VPS41: variants seen among roughly 807,000 people sequenced by gnomAD.
The protein encoded by VPS41 is vacuolar protein sorting-associated protein 41 homolog.
VPS41 carries 85 observed loss-of-function variants against 130.9 expected under a neutral mutation model. The ratio of observed to expected loss-of-function variants is 0.65; its 90% confidence interval spans 0.55 to 0.78. VPS41 has a LOEUF of 0.78. Ranked by LOEUF, VPS41 falls within the 30% of genes least tolerant of loss-of-function variation. VPS41 has a pLI of 0.00. For synonymous variants in VPS41, 335 were observed against 332.9 expected (o/e 1.01, Z -0.07); for missense variants, 874 against 1,018.7 (o/e 0.86, Z 1.93).
chr7:38,889,808 T>C (rs1033113229), intron 2 of VPS41, among the ~76,000 whole-genome samples: 2 of 152,148 alleles, frequency 1.3e-5, no homozygotes, highest in Non-Finnish European at 2.9e-5. Context: ...TAGATTATTC[T>C]TTTCATGAGT....
chr7:38,861,305 A>G (rs1260364539), intron 4 of VPS41, among the ~76,000 whole-genome samples: 1 of 152,168 alleles, frequency 6.6e-6, no homozygotes, highest in Non-Finnish European at 1.5e-5. Context: ...CACACAGTCA[A>G]TCTTTTTTAA....
chr7:38,782,157 C>G (rs559232800), intron 10 of VPS41, among the ~76,000 whole-genome samples: 1 of 152,196 alleles, frequency 6.6e-6, no homozygotes, highest in Non-Finnish European at 1.5e-5. Context: ...CTGCTCCCAG[C>G]AGTGTCTCCT....
intron 19 of VPS41, among the ~76,000 whole-genome samples, 188 bp from the exon 20 acceptor site, chr7:38,755,124 T>C (rs1329701064): frequency 6.6e-6 from 1 of 152,198 alleles, no homozygotes; most frequent in Non-Finnish European, 1.5e-5. Context: ...TTCAAATGCA[T>C]CTCAATCTGA....
chr7:38,808,687 A>T (rs1784883124), intron 7 of VPS41, among the ~76,000 whole-genome samples: 1 of 152,230 alleles, frequency 6.6e-6, no homozygotes, highest in African/African-American at 2.4e-5. Flanking sequence ...ACAATCAAGC[A>T]TCTGAAAACT....
intron 11 of VPS41, chr7:38,775,365 G>C (rs1784238651): frequency 6.6e-6 from 1 of 152,084 alleles, no homozygotes; most frequent in African/African-American, 2.4e-5. Context: ...GCTCTATGAG[G>C]TTGGCCTATC....
chr7:38,759,620 T>C (rs892844420), intron 17 of VPS41, among the ~76,000 whole-genome samples: 4 of 152,228 alleles, frequency 2.6e-5, no homozygotes, highest in African/African-American at 9.6e-5. Context: ...CTTCTGTCCT[T>C]AGTTTTACGA....
intron 1 of VPS41, among the ~76,000 whole-genome samples, chr7:38,905,135 C>T (rs116243394): frequency 6.6e-6 from 1 of 152,118 alleles, no homozygotes; most frequent in African/African-American, 2.4e-5. Flanking sequence ...AAACACTTTA[C>T]TAAACACTTA....
At chr7:38,791,479 G>A (rs1784534878) in intron 9 of VPS41, among the ~76,000 whole-genome samples, 1 of 152,190 alleles carries the variant, frequency 6.6e-6, no homozygotes, top group Non-Finnish European at 1.5e-5. Flanking sequence ...AGATTATGGT[G>A]CAGTGGGGGA....
intron 4 of VPS41, among the ~76,000 whole-genome samples, chr7:38,847,873 G>A (rs1216273661): frequency 6.6e-6 from 1 of 152,198 alleles, no homozygotes; most frequent in African/African-American, 2.4e-5. Context: ...ATTTGAGAGA[G>A]TAAAGCCCTT....
intron 2 of VPS41, among the ~76,000 whole-genome samples, chr7:38,870,696 C>T (rs779807229): frequency 1.8e-5 from 2 of 109,144 alleles, no homozygotes; most frequent in Non-Finnish European, 3.4e-5. Context: ...GTGACCTAGA[C>T]ATTGAAGTTA....
chr7:38,849,320 C>T (rs776649475), intron 4 of VPS41, among the ~76,000 whole-genome samples: 1 of 152,110 alleles, frequency 6.6e-6, no homozygotes, highest in Non-Finnish European at 1.5e-5. Context: ...TTACAGGATG[C>T]TCTTTTAGTT....
chr7:38,728,056 T>C (rs1054907315), intron 27 of VPS41, among the ~76,000 whole-genome samples: 1 of 152,148 alleles, frequency 6.6e-6, no homozygotes, highest in Non-Finnish European at 1.5e-5. Context: ...AGAAAAACAC[T>C]AAAGAAAAGG....
At chr7:38,762,115 C>A (rs1272222341) in intron 17 of VPS41, among the ~76,000 whole-genome samples, 1 of 152,086 alleles carries the variant, frequency 6.6e-6, no homozygotes, top group Non-Finnish European at 1.5e-5. Flanking sequence ...CATGATGACC[C>A]CACCATAAAC....
chr7:38,898,780 T>C (rs1273251028), intron 1 of VPS41, among the ~76,000 whole-genome samples: 1 of 152,202 alleles, frequency 6.6e-6, no homozygotes, highest in Non-Finnish European at 1.5e-5. Context: ...TGCTAATCTC[T>C]CACCTGTCCA....
intron 22 of VPS41, among the ~76,000 whole-genome samples, chr7:38,749,164 A>G (rs1208125804): frequency 6.6e-6 from 1 of 151,830 alleles, no homozygotes; most frequent in Non-Finnish European, 1.5e-5. Flanking sequence ...CTGGCCTTTG[A>G]TAACTATAAC....
At chr7:38,754,677 A>C (rs551944850) in intron 21 of VPS41, 25 bp downstream of exon 21, 1 of 1,608,316 alleles carries the variant, frequency 6.2e-7, no homozygotes, top group African/African-American at 1.3e-5. Context: ...TCAAAAGGGC[A>C]AAAGGAGGAG....
chr7:38,822,863 ACT>A (rs1562599227), intron 5 of VPS41, among the ~76,000 whole-genome samples: 1 of 152,188 alleles, frequency 6.6e-6, no homozygotes, highest in Non-Finnish European at 1.5e-5. Context: ...GGTTATTTAT[ACT>A]CTCAGCATAA....
intron 9 of VPS41, among the ~76,000 whole-genome samples, chr7:38,790,466 GGATTTA>G: frequency 6.6e-6 from 1 of 151,826 alleles, no homozygotes; most frequent in African/African-American, 2.4e-5. Flanking sequence ...CTACATTCAT[GGATTTA>G]ACCAAACAAG....
At chr7:38,856,901 A>G (rs1785999177) in intron 4 of VPS41, among the ~76,000 whole-genome samples, 1 of 152,240 alleles carries the variant, frequency 6.6e-6, no homozygotes, top group African/African-American at 2.4e-5. Flanking sequence ...GTGAGCAGAT[A>G]AAAATTACTA....
Sources: gnomAD v4.1 joint callset for allele counts (sites outside exome capture counted in the v4.1 genomes callset) on GRCh38, gnomAD v4.1.1 for gene constraint, MANE v1.5 for transcripts, NCBI Gene and HGNC (gene_info 2026-07-23, HGNC 2026-07-21) for gene names.